The following ATP8A2 variants were observed in gnomAD, a reference collection of about 807,000 sequenced individuals.
The protein encoded by ATP8A2 is ATPase phospholipid transporting 8A2.
ATP8A2 carries 100 observed loss-of-function variants against 165.6 expected under a neutral mutation model. That is an observed-to-expected ratio of 0.60 (90% CI 0.51 to 0.71). The LOEUF (loss-of-function observed/expected upper bound fraction) is 0.71. ATP8A2 is among the 30% of genes least tolerant of loss of function. The probability of loss-of-function intolerance (pLI) is 0.00; values close to 1 mark genes in which losing one functional copy is unlikely to be tolerated. For missense variants in ATP8A2, 1,227 were observed against 1,479.5 expected (o/e 0.83, Z 2.80); for synonymous variants, 543 against 548.8 (o/e 0.99, Z 0.15).
intron 24 of ATP8A2, among the ~76,000 whole-genome samples, chr13:25,618,453 G>A (rs2040881682): frequency 6.6e-6 from 1 of 152,030 alleles, no homozygotes; most frequent in African/African-American, 2.4e-5. Flanking sequence ...AAGAAGGTGT[G>A]GAGCGGCTGG....
chr13:25,973,818 T>C (rs1019160246), intron 35 of ATP8A2, among the ~76,000 whole-genome samples: 6 of 152,212 alleles, frequency 3.9e-5, no homozygotes, highest in Admixed American at 6.5e-5. Context: ...AATGACTGCG[T>C]CACTTCAGGA....
At chr13:25,791,749 T>C (rs1230210312) in intron 27 of ATP8A2, among the ~76,000 whole-genome samples, 1 of 152,168 alleles carries the variant, frequency 6.6e-6, no homozygotes, top group Non-Finnish European at 1.5e-5. Context: ...CTCTTTACCA[T>C]AAGAACAAGC....
chr13:25,800,636 A>G (rs1950603378), intron 27 of ATP8A2, among the ~76,000 whole-genome samples: 1 of 152,144 alleles, frequency 6.6e-6, no homozygotes, highest in African/African-American at 2.4e-5. Flanking sequence ...TGAACTGAGA[A>G]AGTGAACATT....
intron 35 of ATP8A2, among the ~76,000 whole-genome samples, chr13:25,974,814 C>T (rs911232483): frequency 6.6e-6 from 1 of 152,224 alleles, no homozygotes; most frequent in Middle Eastern, 3.4e-3. Context: ...TCGGCGTCTT[C>T]CCAGCATCTG....
rs902746973 is a variant in ATP8A2, at chr13:25,469,696, A to G, written c.221+575A>G. ...CCGCTATGTCACACACCCTGGCTAT[A>G]GCAGCTTAGTGAATCTTCATAACCT... On this transcript the variant is annotated intron_variant, in intron 2 of 36. Transcript: ENST00000381655. Among the ~76,000 whole-genome samples, 2 of 152,218 alleles carry G rather than the reference A, an allele frequency of 1.3e-5. 1 individual carries two copies. The highest frequency in any genetic ancestry group is 4.1e-4 in the South Asian group (2 of 4,828).
chr13:25,491,122 ATATT>A (rs1396704305), intron 2 of ATP8A2, among the ~76,000 whole-genome samples: 1 of 152,116 alleles, frequency 6.6e-6, no homozygotes, highest in African/African-American at 2.4e-5. Context: ...AATGTAGCAC[ATATT>A]TATTTTATTT....
At chr13:25,618,877 C>T (rs997982706) in intron 24 of ATP8A2, among the ~76,000 whole-genome samples, 7 of 151,988 alleles carry the variant, frequency 4.6e-5, no homozygotes, top group Admixed American at 2.6e-4. Flanking sequence ...TTGCTCAATC[C>T]GCTTCTTAGC....
intron 1 of ATP8A2, among the ~76,000 whole-genome samples, chr13:25,393,823 T>A (rs992810613): frequency 2.0e-5 from 3 of 152,250 alleles, no homozygotes; most frequent in Non-Finnish European, 4.4e-5. Flanking sequence ...TCAGTACACA[T>A]TTATTGACAA....
chr13:25,920,521 T>C (rs73472936), intron 33 of ATP8A2, among the ~76,000 whole-genome samples: 4,932 of 152,196 alleles, frequency 0.032, 274 homozygotes, highest in African/African-American at 0.11. Context: ...ATCCACCAGC[T>C]CACAGAGCCA....
At chr13:25,788,319 C>A (rs930817855) in intron 27 of ATP8A2, among the ~76,000 whole-genome samples, 1 of 152,210 alleles carries the variant, frequency 6.6e-6, no homozygotes, top group African/African-American at 2.4e-5. Flanking sequence ...ATCGATAGAC[C>A]ATACAATTAT....
At chr13:25,989,887 C>A (rs1274084011) in intron 35 of ATP8A2, among the ~76,000 whole-genome samples, 1 of 152,208 alleles carries the variant, frequency 6.6e-6, no homozygotes, top group African/African-American at 2.4e-5. Flanking sequence ...CCACATTGTG[C>A]CTCTGTCTGC....
chr13:25,774,654 G>A lies in ATP8A2; in HGVS notation c.2569-195G>A, dbSNP rs1371913399. On this transcript the variant is annotated intron_variant, in intron 26 of 36. Transcript: ENST00000381655. Reference sequence around the variant, plus strand: ...TATGTTTAGGGAAAATAATAATAATGTAGTTTCAAGAAGGATTTTACTTGT... The same window carrying A: ...TATGTTTAGGGAAAATAATAATAATATAGTTTCAAGAAGGATTTTACTTGT... 2.0e-5 allele frequency among the ~76,000 whole-genome samples: 3 copies of A among 152,198 alleles called. No homozygotes were observed. The East Asian group carries it at 5.8e-4, about 29-fold the overall frequency.
At chr13:25,671,480 C>T (rs1378350229) in intron 24 of ATP8A2, among the ~76,000 whole-genome samples, 6 of 152,182 alleles carry the variant, frequency 3.9e-5, no homozygotes, top group African/African-American at 1.2e-4. Flanking sequence ...GGAGAAATAT[C>T]GCTGAATTCT....
intron 24 of ATP8A2, among the ~76,000 whole-genome samples, chr13:25,647,746 C>T (rs149809811): frequency 0.021 from 3,165 of 151,582 alleles, 104 homozygotes; most frequent in African/African-American, 0.073. Flanking sequence ...AGTGCAATGG[C>T]GTGGTCTCGG....
intron 30 of ATP8A2, among the ~76,000 whole-genome samples, chr13:25,855,831 T>C (rs1485803492): frequency 6.6e-6 from 1 of 152,260 alleles, no homozygotes; most frequent in African/African-American, 2.4e-5. Flanking sequence ...TCTGTTTTTC[T>C]GTAGGCACCC....
intron 25 of ATP8A2, among the ~76,000 whole-genome samples, chr13:25,748,092 T>A (rs1015146629): frequency 3.3e-5 from 5 of 152,226 alleles, no homozygotes; most frequent in Non-Finnish European, 5.9e-5. Flanking sequence ...TAAGTAGAGA[T>A]ATATTTGTAT....
At chr13:25,396,563 C>A (rs920884198) in intron 1 of ATP8A2, among the ~76,000 whole-genome samples, 1 of 152,136 alleles carries the variant, frequency 6.6e-6, no homozygotes, top group African/African-American at 2.4e-5. Flanking sequence ...TCTGTCCTGG[C>A]TCTTACCTCT....
intron 23 of ATP8A2, among the ~76,000 whole-genome samples, chr13:25,583,875 C>T (rs938222068): frequency 3.3e-5 from 5 of 152,114 alleles, no homozygotes; most frequent in African/African-American, 1.2e-4. Flanking sequence ...ATGCCAGAAC[C>T]GCTCACATCA....
Position 25,551,392 on chromosome 13 carries a change from C to A in ATP8A2, c.946C>A (p.Gln316Lys), listed in dbSNP as rs1441915715. 1.2e-6 allele frequency: 2 copies of A among 1,613,922 alleles called. No homozygotes were observed. Among genetic ancestry groups the A allele is most frequent in the Admixed American group, 3.3e-5 (2 of 60,002 alleles). ...AAATGTTGAGAAGGTGACTAACGTG[C>A]AGATCCTGGTGTTGTTTGGCATCCT... ...RSNVEKVTNV[Q>K]ILVLFGILLV... Residue 316 changes from glutamine to lysine, a missense_variant, in exon 11 of 37, where the codon CAG becomes AAG. Physicochemically the swap from Gln to Lys is moderately conservative, Grantham distance 53. This residue lies in a region of ATP8A2 where 356 missense variants were observed against 394.9 expected (regional missense o/e 0.90). Transcript: ENST00000381655.
Sources: gnomAD v4.1 joint callset for allele counts (sites outside exome capture counted in the v4.1 genomes callset) on GRCh38, gnomAD v4.1.1 for gene constraint, gnomAD v4.1.1 regional missense constraint, MANE v1.5 for transcripts, NCBI Gene and HGNC (gene_info 2026-07-23, HGNC 2026-07-21) for gene names.